LRFN5: variants seen among roughly 807,000 people sequenced by gnomAD.
LRFN5 encodes the protein leucine-rich repeat and fibronectin type-III domain-containing protein 5.
A neutral mutation model predicts 45.6 loss-of-function variants in LRFN5; 24 were observed. The ratio of observed to expected loss-of-function variants is 0.53; its 90% CI spans 0.38 to 0.74. LRFN5 has a LOEUF of 0.74. Among genes scored for constraint, LRFN5 ranks in the 30% least tolerant of loss-of-function variants. LRFN5 has a pLI of 0.00. For missense variants in LRFN5, 776 were observed against 861.5 expected (o/e 0.90, Z 1.24); for synonymous variants, 340 against 313.8 (o/e 1.08, Z -0.88).
At chr14:41,726,891 G>T (rs1883959346) in intron 1 of LRFN5, among the ~76,000 whole-genome samples, 1 of 152,016 alleles carries the variant, frequency 6.6e-6, no homozygotes, top group South Asian at 2.1e-4. Flanking sequence ...TAGACAAAAG[G>T]CTGTAATTGT....
chr14:41,785,362 T>G (rs1886681092), intron 2 of LRFN5, among the ~76,000 whole-genome samples: 1 of 152,162 alleles, frequency 6.6e-6, no homozygotes, highest in African/African-American at 2.4e-5. Context: ...CTTGCCTTCT[T>G]TGAAAATAAT....
chr14:41,629,976 G>T (rs1023667382), intron 1 of LRFN5, among the ~76,000 whole-genome samples: 1 of 152,000 alleles, frequency 6.6e-6, no homozygotes, highest in African/African-American at 2.4e-5. Context: ...TTACATATGA[G>T]ACAGTCACTG....
chr14:41,878,585 G>T (rs529359941), intron 2 of LRFN5, among the ~76,000 whole-genome samples: 3 of 152,144 alleles, frequency 2.0e-5, no homozygotes, highest in South Asian at 2.1e-4. Context: ...AACAGAATTT[G>T]CTTCAAATAA....
chr14:41,898,725 A>G (rs1891015204), intron 4 of LRFN5, among the ~76,000 whole-genome samples, 192 bp from the exon 5 acceptor site: 1 of 152,056 alleles, frequency 6.6e-6, no homozygotes, highest in Admixed American at 6.6e-5. Context: ...GAAAGTAGAC[A>G]TAGAGAACTG....
At chr14:41,710,809 C>G (rs1216267741) in intron 1 of LRFN5, among the ~76,000 whole-genome samples, 3 of 151,988 alleles carry the variant, frequency 2.0e-5, no homozygotes, top group Admixed American at 2.0e-4. Context: ...GTGATGTTCC[C>G]CTGCCTGTGT....
At chr14:41,625,893 A>G (rs765843449) in intron 1 of LRFN5, among the ~76,000 whole-genome samples, 1 of 152,136 alleles carries the variant, frequency 6.6e-6, no homozygotes, top group Non-Finnish European at 1.5e-5. Context: ...AAATAGGTCT[A>G]TATTTGGTAA....
At chr14:41,871,631 G>A (rs1890023459) in intron 2 of LRFN5, among the ~76,000 whole-genome samples, 1 of 151,652 alleles carries the variant, frequency 6.6e-6, no homozygotes, top group Non-Finnish European at 1.5e-5. Flanking sequence ...ATGCTGTCAA[G>A]AAATTTCAAA....
At chr14:41,689,763 C>T (rs564912087) in intron 1 of LRFN5, among the ~76,000 whole-genome samples, 65 of 150,434 alleles carry the variant, frequency 4.3e-4, no homozygotes, top group Non-Finnish European at 8.0e-4. Context: ...GGCGTGATGG[C>T]GGGCGCCTGT....
At chr14:41,901,965 T>C (rs1199182563) in intron 5 of LRFN5, among the ~76,000 whole-genome samples, 2 of 151,988 alleles carry the variant, frequency 1.3e-5, no homozygotes, top group Non-Finnish European at 2.9e-5. Context: ...TATTTGAACA[T>C]TATAACAAAT....
chr14:41,723,093 G>A (rs758722948), intron 1 of LRFN5, among the ~76,000 whole-genome samples: 14 of 152,188 alleles, frequency 9.2e-5, no homozygotes, highest in Non-Finnish European at 1.9e-4. Context: ...AAATTTGCAT[G>A]GGTGTGAGGT....
Position 41,796,505 on chromosome 14 carries a change from G to A in LRFN5, c.-21+29476G>A, listed in dbSNP as rs1412639174. Reference sequence around the variant, plus strand: ...CAAAATGTGCTTTTAAAAAGCCTGGGTAATGTTTTGTTATTTATGTATACC... The same window carrying A: ...CAAAATGTGCTTTTAAAAAGCCTGGATAATGTTTTGTTATTTATGTATACC... On this transcript the variant is annotated intron_variant, in intron 2 of 5. Coordinates refer to ENST00000298119, the MANE Select transcript of LRFN5 (RefSeq NM_152447.5). Among the ~76,000 whole-genome samples the A allele has an allele frequency of 2.4e-4, 37 of 151,768 alleles. No individual in the cohort carries two copies. In the Admixed American group the frequency reaches 2.4e-3, roughly 10 times the overall value.
chr14:41,898,156 C>T (rs1472180644), intron 4 of LRFN5, among the ~76,000 whole-genome samples: 2 of 152,010 alleles, frequency 1.3e-5, no homozygotes, highest in Non-Finnish European at 2.9e-5. Flanking sequence ...TCTCGTGACA[C>T]TCACCTGTGA....
At position 41,607,007 on chromosome 14, in the gene LRFN5, C is replaced by T. The variant is rs980928611; in HGVS notation, c.-1752C>T. On this transcript the variant is annotated 5_prime_UTR_variant, in exon 1 of 6. Coordinates refer to ENST00000298119, the MANE Select transcript of LRFN5 (RefSeq NM_152447.5). ...CCCCGGCCGCGGCCGCAGCCCCGGACCTCGGCTGCTTGCCTCGCGCCTGAA... is the reference window on the plus strand; with the variant it reads ...CCCCGGCCGCGGCCGCAGCCCCGGATCTCGGCTGCTTGCCTCGCGCCTGAA... Among the ~76,000 whole-genome samples, 1 of 152,090 alleles carries T rather than the reference C, an allele frequency of 6.6e-6. No individual in the cohort carries two copies. Among genetic ancestry groups the T allele is most frequent in the African/African-American group, 2.4e-5 (1 of 41,434 alleles).
chr14:41,624,187 A>C (rs1163636373), intron 1 of LRFN5, among the ~76,000 whole-genome samples: 1 of 152,112 alleles, frequency 6.6e-6, no homozygotes, highest in East Asian at 1.9e-4. Flanking sequence ...TTCACTAGAT[A>C]AACATACTTT....
intron 3 of LRFN5, among the ~76,000 whole-genome samples, chr14:41,890,099 G>C (rs1441614817): frequency 2.0e-5 from 3 of 152,176 alleles, no homozygotes; most frequent in Middle Eastern, 3.4e-3. Context: ...CCTGACCTCA[G>C]TTGATCCACC....
At chr14:41,869,555 A>G (rs1038915834) in intron 2 of LRFN5, among the ~76,000 whole-genome samples, 6 of 151,998 alleles carry the variant, frequency 3.9e-5, no homozygotes, top group African/African-American at 1.2e-4. Context: ...AGTTTTTTAC[A>G]TAGTTGTATT....
chr14:41,888,994 T>G (rs1239400556), intron 3 of LRFN5, among the ~76,000 whole-genome samples: 1 of 111,302 alleles, frequency 9.0e-6, no homozygotes, highest in African/African-American at 3.0e-5. Flanking sequence ...TATGTGTGTA[T>G]GTATACACAT....
intron 1 of LRFN5, among the ~76,000 whole-genome samples, chr14:41,681,561 G>A (rs1380099392): frequency 6.6e-6 from 1 of 151,786 alleles, no homozygotes; most frequent in Non-Finnish European, 1.5e-5. Context: ...TCAAATATAA[G>A]GGAGAAATAA....
chr14:41,730,193 A>G (rs1017908397), intron 1 of LRFN5, among the ~76,000 whole-genome samples: 1 of 152,068 alleles, frequency 6.6e-6, no homozygotes, highest in African/African-American at 2.4e-5. Flanking sequence ...ACAAAAATAG[A>G]CTGCTTTTAA....
Sources: allele counts gnomAD v4.1 joint callset (sites outside exome capture counted in the v4.1 genomes callset), GRCh38; gene constraint gnomAD v4.1.1; transcripts MANE v1.5; gene names NCBI Gene and HGNC (gene_info 2026-07-23, HGNC 2026-07-21).